Variants in KIAA1671 observed in about 807,000 individuals in gnomAD.
The protein encoded by KIAA1671 is KIAA1671, also known as uncharacterized protein KIAA1671.
A neutral mutation model predicts 131.2 loss-of-function variants in KIAA1671; 52 were observed. That is an observed-to-expected ratio of 0.40 (90% CI 0.32 to 0.50). KIAA1671 has a LOEUF of 0.50. Ranked by LOEUF, KIAA1671 falls within the 20% of genes least tolerant of loss-of-function variation. The probability of loss-of-function intolerance (pLI) is 0.73; values close to 1 mark genes in which losing one functional copy is unlikely to be tolerated. For synonymous variants in KIAA1671, 1,003 were observed against 961.6 expected (o/e 1.04, Z -0.80); for missense variants, 2,360 against 2,364.2 (o/e 1.00, Z 0.04).
In KIAA1671 at chr22:25,039,200, G is replaced by A. The variant is rs1926778041; in HGVS notation, c.2070G>A (p.Leu690=). The A allele has an allele frequency of 8.4e-6, 13 of 1,552,046 alleles. No individual in the cohort carries two copies. Among genetic ancestry groups the A allele is most frequent in the Non-Finnish European group, 1.0e-5 (12 of 1,147,126 alleles). Reference sequence around the variant, plus strand: ...AGAAATTGGGACCAACCACCCTTTTGAATGGTGAACTGAGACCGTATCACA... The same window carrying A: ...AGAAATTGGGACCAACCACCCTTTTAAATGGTGAACTGAGACCGTATCACA... ...ETEKLGPTTL[L]NGELRPYHTP... Residue 690 remains leucine (L), a synonymous_variant, in exon 5 of 13, where the codon TTG becomes TTA. Transcript: ENST00000358431.
intron 1 of KIAA1671, among the ~76,000 whole-genome samples, chr22:24,984,079 G>A (rs1270481894): frequency 1.3e-5 from 2 of 152,104 alleles, no homozygotes; most frequent in Admixed American, 6.6e-5. Flanking sequence ...CGCCTGGCCG[G>A]TGTTTGGATT....
chr22:25,183,127 A>G (rs920640826), intron 10 of KIAA1671, among the ~76,000 whole-genome samples: 5 of 152,228 alleles, frequency 3.3e-5, no homozygotes, highest in Non-Finnish European at 7.3e-5. Context: ...GCAACCTTGC[A>G]AAAGGTAGCT....
intron 1 of KIAA1671, among the ~76,000 whole-genome samples, chr22:25,019,725 C>T (rs1419906298): frequency 6.6e-6 from 1 of 151,388 alleles, no homozygotes; most frequent in African/African-American, 2.4e-5. Context: ...ACCAATTATC[C>T]TAAGTGCTTC....
At chr22:25,078,156 C>CAGGG (rs1177007801) in intron 6 of KIAA1671, among the ~76,000 whole-genome samples, 1 of 152,192 alleles carries the variant, frequency 6.6e-6, no homozygotes, top group Non-Finnish European at 1.5e-5. Flanking sequence ...CTCTGTCAGG[C>CAGGG]AGGGAGGTTG....
At chr22:25,008,649 A>G (rs2123872923) in intron 1 of KIAA1671, among the ~76,000 whole-genome samples, 1 of 152,342 alleles carries the variant, frequency 6.6e-6, no homozygotes, top group South Asian at 2.1e-4. Flanking sequence ...CCTCATCATG[A>G]AACCCAACCT....
rs571520657 is a variant in KIAA1671 at position 25,108,007 on chromosome 22, CA to C, written c.4530+58652del. On this transcript the variant is annotated intron_variant, in intron 6 of 12. Transcript: ENST00000358431. ...TAGGTGACAGAGCAAGACTTTGTCTCAAAAAAAAATTATAGATATCAGTACA... is the reference window on the plus strand; with the variant it reads ...TAGGTGACAGAGCAAGACTTTGTCTCAAAAAAAATTATAGATATCAGTACA... 2.7e-3 allele frequency among the ~76,000 whole-genome samples: 412 copies of C among 150,194 alleles called. 4 individuals are homozygous for C. The highest frequency in any genetic ancestry group is 9.7e-3 in the African/African-American group (397 of 41,002).
intron 5 of KIAA1671, among the ~76,000 whole-genome samples, chr22:25,045,932 T>C (rs915470745): frequency 3.3e-5 from 5 of 152,160 alleles, no homozygotes; most frequent in African/African-American, 1.2e-4. Flanking sequence ...TTGTATTATG[T>C]GACTGAGCCC....
At chr22:25,125,434 C>T (rs1360813382) in intron 6 of KIAA1671, among the ~76,000 whole-genome samples, 1 of 152,130 alleles carries the variant, frequency 6.6e-6, no homozygotes, top group Non-Finnish European at 1.5e-5. Context: ...AGTTCATAGT[C>T]GACCAAGCAT....
intron 6 of KIAA1671, among the ~76,000 whole-genome samples, chr22:25,119,716 G>C (rs1368358553): frequency 6.6e-6 from 1 of 152,238 alleles, no homozygotes. Context: ...TTGGAGCAGA[G>C]ACCTGCATGA....
At chr22:25,047,955 A>C (rs1927336851) in intron 5 of KIAA1671, among the ~76,000 whole-genome samples, 1 of 152,216 alleles carries the variant, frequency 6.6e-6, no homozygotes, top group Non-Finnish European at 1.5e-5. Context: ...TTTAGCTCTT[A>C]CATTTAGGTC....
intron 1 of KIAA1671, among the ~76,000 whole-genome samples, chr22:24,966,358 C>T (rs1467046187): frequency 1.3e-5 from 2 of 152,148 alleles, no homozygotes; most frequent in African/African-American, 4.8e-5. Flanking sequence ...TTGGGTGCAC[C>T]GAGGTCACTG....
At chr22:24,993,933 T>G (rs1265549775) in intron 1 of KIAA1671, among the ~76,000 whole-genome samples, 1 of 151,902 alleles carries the variant, frequency 6.6e-6, no homozygotes, top group Non-Finnish European at 1.5e-5. Flanking sequence ...ACAAAAAAAT[T>G]AGCCGGGCAT....
At position 24,982,373 on chromosome 22, in the gene KIAA1671, C is replaced by T. The variant is rs200506133; in HGVS notation, c.-208+29601C>T. Reference sequence around the variant, plus strand: ...GCTAAAAAGCGTGATTAGCAAGTGTCGCGGAAGTGTTAAAGACAGGCTGGC... The same window carrying T: ...GCTAAAAAGCGTGATTAGCAAGTGTTGCGGAAGTGTTAAAGACAGGCTGGC... On this transcript the variant is annotated intron_variant, in intron 1 of 12. Transcript: ENST00000358431. Among the ~76,000 whole-genome samples the T allele has an allele frequency of 2.6e-5, 4 of 152,198 alleles. No homozygotes were observed. The East Asian group carries it at 7.7e-4, about 29-fold the overall frequency.
intron 6 of KIAA1671, among the ~76,000 whole-genome samples, chr22:25,093,778 C>CTT (rs1568951223): frequency 1.5e-4 from 18 of 117,576 alleles, no homozygotes; most frequent in African/African-American, 2.2e-4. Flanking sequence ...GTCTCTCTCT[C>CTT]TCTCTCTCTC....
intron 6 of KIAA1671, among the ~76,000 whole-genome samples, chr22:25,126,222 T>C (rs1273468057): frequency 6.6e-6 from 1 of 152,244 alleles, no homozygotes; most frequent in African/African-American, 2.4e-5. Flanking sequence ...CCAGAAGTTA[T>C]CCAGCACCTC....
intron 6 of KIAA1671, among the ~76,000 whole-genome samples, chr22:25,152,412 G>T (rs918032020): frequency 6.6e-6 from 1 of 150,416 alleles, no homozygotes; most frequent in Non-Finnish European, 1.5e-5. Flanking sequence ...GCTAAACCTT[G>T]CTGTGAGCAC....
At chr22:24,963,040 G>A (rs979674539) in intron 1 of KIAA1671, among the ~76,000 whole-genome samples, 8 of 151,914 alleles carry the variant, frequency 5.3e-5, no homozygotes, top group Admixed American at 1.3e-4. Context: ...ATCCGCAGGG[G>A]TCACTGAGCT....
intron 6 of KIAA1671, 73 bp from the exon 7 acceptor site, chr22:25,170,747 T>C: frequency 4.2e-6 from 6 of 1,440,758 alleles, no homozygotes; most frequent in Non-Finnish European, 5.7e-6. Context: ...GCGATCTGAT[T>C]TGTGTGTCAG....
Position 25,041,163 on chromosome 22 carries a change from C to A in KIAA1671, c.4033C>A (p.Leu1345Met). The A allele has an allele frequency of 1.3e-6, 2 of 1,551,656 alleles. No homozygotes were observed. The highest frequency in any genetic ancestry group is 3.3e-4 in the Middle Eastern group (2 of 5,990). The change falls in exon 5 of 13, where the codon CTG (leucine) becomes ATG (methionine). Residue 1345 changes from leucine (L) to methionine (M), a missense_variant. Physicochemically the swap from Leu to Met is conservative, Grantham distance 15. Around this residue, in one of 3 missense-constraint regions of KIAA1671, gnomAD observed 1,161 missense variants for 1,204.7 expected, o/e 0.96. Coordinates refer to ENST00000358431, the MANE Select transcript of KIAA1671 (RefSeq NM_001145206.2). ...TCATGTTGCAAAGTGTCAGAATTACCTGGCTGAGTCAAAGCCCTCTGGTCG... is the reference window on the plus strand; with the variant it reads ...TCATGTTGCAAAGTGTCAGAATTACATGGCTGAGTCAAAGCCCTCTGGTCG... ...KHHVAKCQNY[L>M]AESKPSGRED...
Sources: gnomAD v4.1 joint callset for allele counts (sites outside exome capture counted in the v4.1 genomes callset) on GRCh38, gnomAD v4.1.1 for gene constraint, gnomAD v4.1.1 regional missense constraint, MANE v1.5 for transcripts, NCBI Gene and HGNC (gene_info 2026-07-23, HGNC 2026-07-21) for gene names.